The following SYNDIG1L variants were observed in gnomAD, a reference collection of about 807,000 sequenced individuals.
The protein encoded by SYNDIG1L is synapse differentiation inducing 1 like, also known as synapse differentiation-inducing gene protein 1-like.
A neutral mutation model predicts 20.1 loss-of-function variants in SYNDIG1L; 13 were observed. That is an observed-to-expected ratio of 0.65 (90% CI 0.42 to 1.03). The LOEUF (loss-of-function observed/expected upper bound fraction) is 1.03. Ranked by LOEUF, SYNDIG1L falls within the 50% of genes least tolerant of loss-of-function variation. The probability of loss-of-function intolerance (pLI) is 0.00; values close to 1 mark genes in which losing one functional copy is unlikely to be tolerated. For synonymous variants in SYNDIG1L, 128 were observed against 129.3 expected (o/e 0.99, Z 0.07); for missense variants, 294 against 305.1 (o/e 0.96, Z 0.27).
rs1259227476 is a variant in SYNDIG1L at position 74,408,045 on chromosome 14, C to T, written c.418-56G>A. On this transcript the variant is annotated intron_variant, in intron 2 of 3. Transcript: ENST00000331628. ...CCAGGATCAGCCCAGCCCCATCAGG[C>T]TGGCAAGAGGTTTTTTAAAAGGCAA... 3.3e-6 allele frequency: 5 copies of T among 1,534,440 alleles called. No homozygotes were observed. In the Admixed American group the frequency reaches 6.3e-5, roughly 19 times the overall value.
chr14:74,452,925 A>C, the SYNDIG1L span, among the ~76,000 whole-genome samples: 1 of 152,240 alleles, frequency 6.6e-6, no homozygotes, highest in Non-Finnish European at 1.5e-5. Flanking sequence ...GTATTGATAC[A>C]CATAACATGG....
the SYNDIG1L span, among the ~76,000 whole-genome samples, chr14:74,442,259 T>A: frequency 2.0e-4 from 30 of 152,256 alleles, no homozygotes; most frequent in African/African-American, 6.0e-4. Context: ...AATACCTGAA[T>A]AATAATATTA....
the SYNDIG1L span, among the ~76,000 whole-genome samples, chr14:74,457,353 C>T: frequency 2.0e-5 from 3 of 152,074 alleles, no homozygotes; most frequent in African/African-American, 7.2e-5. Context: ...GCGCCCTCTC[C>T]CATGCTTTGG....
At chr14:74,460,810 G>A in the SYNDIG1L span, among the ~76,000 whole-genome samples, 1 of 152,114 alleles carries the variant, frequency 6.6e-6, no homozygotes, top group Non-Finnish European at 1.5e-5. Flanking sequence ...AACAATGCCG[G>A]GCTAATTTTT....
the SYNDIG1L span, among the ~76,000 whole-genome samples, chr14:74,434,656 T>C: frequency 6.6e-6 from 1 of 151,294 alleles, no homozygotes; most frequent in Non-Finnish European, 1.5e-5. Context: ...AGAGGGCAGA[T>C]ATGAGAGAGA....
chr14:74,459,482 C>T, the SYNDIG1L span, among the ~76,000 whole-genome samples: 7 of 152,060 alleles, frequency 4.6e-5, no homozygotes, highest in Admixed American at 4.6e-4. Context: ...CCAGCCTGGG[C>T]GACAGTGTGA....
the SYNDIG1L span, among the ~76,000 whole-genome samples, chr14:74,465,319 A>C: frequency 1.3e-5 from 2 of 152,244 alleles, no homozygotes; most frequent in African/African-American, 4.8e-5. Flanking sequence ...AGTTAGGCCC[A>C]GACACGAAAG....
At chr14:74,478,563 G>A in the SYNDIG1L span, among the ~76,000 whole-genome samples, 1 of 152,312 alleles carries the variant, frequency 6.6e-6, no homozygotes, top group South Asian at 2.1e-4. Context: ...CAAGGGCAGA[G>A]GAGTATGCAG....
chr14:74,479,903 G>T, the SYNDIG1L span: 1 of 1,102,214 alleles, frequency 9.1e-7, no homozygotes, highest in Non-Finnish European at 1.2e-6. Flanking sequence ...CTAGCAGAAT[G>T]TACCCTGAAA....
At chr14:74,409,252 A>ATTT in intron 2 of SYNDIG1L, 76 bp downstream of exon 2, 46 of 934,096 alleles carry the variant, frequency 4.9e-5, no homozygotes, top group South Asian at 1.2e-4. Context: ...CTAATTTTCA[A>ATTT]TTTTTTTTTT....
rs534694537 is a variant in SYNDIG1L at position 74,409,246 on chromosome 14, T to C, written c.417+82A>G. 1.1e-5 allele frequency: 12 copies of C among 1,117,156 alleles called. No individual in the cohort carries two copies. The East Asian group carries it at 2.9e-4, about 27-fold the overall frequency. 69.2% of individuals were successfully genotyped at this position (1,117,156 alleles called of 1,614,324 possible). A position where few individuals can be genotyped will look rare whatever the true frequency, so the allele number is the denominator to read the frequency against. On this transcript the variant is annotated intron_variant, in intron 2 of 3. Coordinates refer to ENST00000331628, the MANE Select transcript of SYNDIG1L (RefSeq NM_001105579.2). ...GGCACATGCCACCACGCCAGGCTAA[T>C]TTTCAATTTTTTTTTTTTGTAGAGT...
At chr14:74,422,617 C>T (rs2086231232) in intron 1 of SYNDIG1L, among the ~76,000 whole-genome samples, 1 of 149,700 alleles carries the variant, frequency 6.7e-6, no homozygotes, top group Non-Finnish European at 1.5e-5. Flanking sequence ...GGGAAGGGAC[C>T]TGCATGTGTG....
At chr14:74,422,718 C>T (rs4992409) in intron 1 of SYNDIG1L, among the ~76,000 whole-genome samples, 55,857 of 140,700 alleles carry the variant, frequency 0.4, 11,354 homozygotes, top group East Asian at 0.65. Context: ...TCCTTTCTCT[C>T]TTTTTTTTTT....
chr14:74,463,057 C>T, the SYNDIG1L span, among the ~76,000 whole-genome samples: 1 of 152,222 alleles, frequency 6.6e-6, no homozygotes. Context: ...CTTTCCTTCA[C>T]AGCCGGACTT....
chr14:74,467,018 C>A, the SYNDIG1L span, among the ~76,000 whole-genome samples: 1 of 152,318 alleles, frequency 6.6e-6, no homozygotes, highest in Non-Finnish European at 1.5e-5. Context: ...ATGTTGACTG[C>A]AGAATGTTTC....
chr14:74,433,407 G>A, the SYNDIG1L span, among the ~76,000 whole-genome samples: 18 of 150,716 alleles, frequency 1.2e-4, no homozygotes, highest in East Asian at 2.7e-3. Context: ...TTTTTGAGAC[G>A]GAGTCTTGCT....
chr14:74,472,368 A>G, the SYNDIG1L span: 1 of 152,186 alleles, frequency 6.6e-6, no homozygotes. Flanking sequence ...GCATTGTTTT[A>G]GTTTTGAACA....
At chr14:74,449,754 G>A in the SYNDIG1L span, among the ~76,000 whole-genome samples, 1 of 151,158 alleles carries the variant, frequency 6.6e-6, no homozygotes, top group Non-Finnish European at 1.5e-5. Context: ...GTTCTTAAAA[G>A]CAAATTTATA....
Position 74,425,968 on chromosome 14 carries a change from C to G in SYNDIG1L, c.-114G>C, listed in dbSNP as rs1337315982. 1 of 152,502 alleles carries G rather than the reference C, an allele frequency of 6.6e-6. No individual in the cohort carries two copies. Among genetic ancestry groups the G allele is most frequent in the Non-Finnish European group, 1.5e-5 (1 of 68,022 alleles). 9.4% of individuals were successfully genotyped at this position (152,502 alleles called of 1,614,324 possible). A position where few individuals can be genotyped will look rare whatever the true frequency, so the allele number is the denominator to read the frequency against. ...GCGGGGCTCGGGGGCTCGGCATGGG[C>G]CGGTGAGCGACGGCGCCCCCGCCTC... On this transcript the variant is annotated 5_prime_UTR_variant, in exon 1 of 4. Transcript: ENST00000331628.
Sources: gnomAD v4.1 joint callset for allele counts (sites outside exome capture counted in the v4.1 genomes callset) on GRCh38, gnomAD v4.1.1 for gene constraint, MANE v1.5 for transcripts, NCBI Gene and HGNC (gene_info 2026-07-23, HGNC 2026-07-21) for gene names.